GPC6: variants seen among roughly 807,000 people sequenced by gnomAD.
GPC6 encodes the protein glypican 6.
A neutral mutation model predicts 55.2 loss-of-function variants in GPC6; 14 were observed. The observed-to-expected ratio is 0.25, with a 90% CI of 0.17 to 0.40. The LOEUF is 0.40. Among genes scored for constraint, GPC6 ranks in the 10% least tolerant of loss-of-function variants. The pLI, the probability that GPC6 is intolerant of heterozygous loss-of-function variation, is 1.00. For missense variants in GPC6, 641 were observed against 708.5 expected (o/e 0.90, Z 1.08); for synonymous variants, 278 against 259.6 (o/e 1.07, Z -0.68).
chr13:94,090,521 A>G (rs1885441645), intron 4 of GPC6, among the ~76,000 whole-genome samples: 1 of 152,136 alleles, frequency 6.6e-6, no homozygotes, highest in Non-Finnish European at 1.5e-5. Flanking sequence ...TCTCTCCTTC[A>G]TGCTTTATAA....
At chr13:93,613,395 A>G (rs1169827245) in intron 2 of GPC6, among the ~76,000 whole-genome samples, 1 of 152,182 alleles carries the variant, frequency 6.6e-6, no homozygotes, top group African/African-American at 2.4e-5. Flanking sequence ...GCTGAGAGTC[A>G]ACAAAGTCTG....
chr13:93,894,973 A>G (rs1232748877), intron 3 of GPC6, among the ~76,000 whole-genome samples: 2 of 151,664 alleles, frequency 1.3e-5, no homozygotes, highest in Non-Finnish European at 2.9e-5. Context: ...TACTGAATGC[A>G]TATAGAGTGG....
chr13:93,563,419 G>C (rs1392563349), intron 2 of GPC6, among the ~76,000 whole-genome samples: 1 of 151,894 alleles, frequency 6.6e-6, no homozygotes, highest in Non-Finnish European at 1.5e-5. Context: ...TGGAGATGCA[G>C]ACAAAAATGA....
intron 1 of GPC6, among the ~76,000 whole-genome samples, chr13:93,410,961 G>A (rs1241723166): frequency 6.6e-6 from 1 of 152,140 alleles, no homozygotes; most frequent in Non-Finnish European, 1.5e-5. Flanking sequence ...TGCAATGATT[G>A]CATCCATATA....
At chr13:93,422,320 A>G (rs552280107) in intron 1 of GPC6, among the ~76,000 whole-genome samples, 1 of 152,308 alleles carries the variant, frequency 6.6e-6, no homozygotes, top group African/African-American at 2.4e-5. Context: ...TGTGTTCACA[A>G]GTGAGATTTT....
chr13:94,288,055 A>C (rs1409173), intron 5 of GPC6, among the ~76,000 whole-genome samples: 96,682 of 152,014 alleles, frequency 0.64, 32,115 homozygotes, highest in African/African-American at 0.83. Context: ...ATCCATGTGG[A>C]AGACATGGCT....
At chr13:94,167,634 A>C (rs1307244244) in intron 4 of GPC6, among the ~76,000 whole-genome samples, 1 of 152,144 alleles carries the variant, frequency 6.6e-6, no homozygotes, top group East Asian at 1.9e-4. Flanking sequence ...AGACAAACAA[A>C]TGTGGAGGGA....
At chr13:93,811,224 A>G (rs1162246621) in intron 2 of GPC6, among the ~76,000 whole-genome samples, 3 of 152,250 alleles carry the variant, frequency 2.0e-5, no homozygotes, top group African/African-American at 4.8e-5. Flanking sequence ...GTTCTTGAAA[A>G]GAGTCAGGAG....
intron 3 of GPC6, among the ~76,000 whole-genome samples, chr13:93,945,761 C>T (rs542369075): frequency 6.6e-6 from 1 of 152,166 alleles, no homozygotes; most frequent in Non-Finnish European, 1.5e-5. Context: ...CCCACACTTT[C>T]ACTGATTGTT....
At chr13:93,685,134 A>G (rs915955364) in intron 2 of GPC6, among the ~76,000 whole-genome samples, 2 of 152,160 alleles carry the variant, frequency 1.3e-5, no homozygotes, top group African/African-American at 2.4e-5. Context: ...GCAAAAGTCT[A>G]TTTTCTCTTT....
chr13:94,197,315 A>G (rs1480625786), intron 4 of GPC6, among the ~76,000 whole-genome samples: 2 of 152,190 alleles, frequency 1.3e-5, no homozygotes, highest in Non-Finnish European at 2.9e-5. Flanking sequence ...GCCAAGCATC[A>G]TCAAGTTCTC....
At chr13:94,120,540 T>C (rs191983013) in intron 4 of GPC6, among the ~76,000 whole-genome samples, 4,445 of 151,982 alleles carry the variant, frequency 0.029, 131 homozygotes, top group African/African-American at 0.073. Context: ...TTTTTTTTTT[T>C]CCCCTGAAAA....
chr13:93,920,255 A>G (rs78165943), intron 3 of GPC6, among the ~76,000 whole-genome samples: 1 of 152,070 alleles, frequency 6.6e-6, no homozygotes, highest in East Asian at 1.9e-4. Context: ...ACTTGTTTCT[A>G]TTCTATTTTC....
At chr13:93,498,949 G>A (rs1318826018) in intron 1 of GPC6, among the ~76,000 whole-genome samples, 1 of 152,160 alleles carries the variant, frequency 6.6e-6, no homozygotes, top group Non-Finnish European at 1.5e-5. Flanking sequence ...AGGATCTAAA[G>A]TGCCTATATA....
chr13:94,285,894 C>G (rs1378237405), intron 4 of GPC6, among the ~76,000 whole-genome samples: 1 of 152,130 alleles, frequency 6.6e-6, no homozygotes, highest in Non-Finnish European at 1.5e-5. Flanking sequence ...CTTGAGAGAT[C>G]CAGAAATGCT....
intron 4 of GPC6, among the ~76,000 whole-genome samples, chr13:94,204,715 CAGGTTGGAAAAGA>C (rs1889851150): frequency 6.6e-6 from 1 of 152,120 alleles, no homozygotes; most frequent in South Asian, 2.1e-4. Flanking sequence ...ACTACATGAG[CAGGTTGGAAAAGA>C]AGGTTTTAAA....
chr13:94,283,349 C>T (rs1424811456), intron 4 of GPC6, among the ~76,000 whole-genome samples: 1 of 152,202 alleles, frequency 6.6e-6, no homozygotes, highest in African/African-American at 2.4e-5. Context: ...GAAAATAGGA[C>T]TTTGTGAACT....
intron 6 of GPC6, among the ~76,000 whole-genome samples, chr13:94,368,845 A>C (rs1879402576): frequency 6.6e-6 from 1 of 152,198 alleles, no homozygotes. Context: ...GTGCTGTCAG[A>C]AAAGACCATT....
chr13:93,731,504 T>C (rs1301491603), intron 2 of GPC6, among the ~76,000 whole-genome samples: 3 of 152,200 alleles, frequency 2.0e-5, no homozygotes. Flanking sequence ...ACCATTGTGT[T>C]AGCTTTCTAA....
Sources: allele counts gnomAD v4.1 joint callset (sites outside exome capture counted in the v4.1 genomes callset), GRCh38; gene constraint gnomAD v4.1.1; transcripts MANE v1.5; gene names NCBI Gene and HGNC (gene_info 2026-07-23, HGNC 2026-07-21).